DNAJC19: variants seen among roughly 807,000 people sequenced by gnomAD.
DNAJC19 encodes DnaJ heat shock protein family (Hsp40) member C19.
In DNAJC19, 15 loss-of-function variants were observed where a neutral mutation model predicts 19.8. That is an observed-to-expected ratio of 0.76 (90% confidence interval 0.51 to 1.17). DNAJC19 has a LOEUF of 1.17. Ranked by LOEUF, DNAJC19 falls within the 50% of genes most tolerant of loss-of-function variation. The probability of loss-of-function intolerance (pLI) is 0.00; values close to 1 mark genes in which losing one functional copy is unlikely to be tolerated. For synonymous variants in DNAJC19, 38 were observed against 42.1 expected (o/e 0.90, Z 0.38); for missense variants, 105 against 140.9 (o/e 0.75, Z 1.29).
intron 1 of DNAJC19, chr3:180,989,191 G>A: frequency 1.8e-6 from 1 of 562,088 alleles, no homozygotes; most frequent in East Asian, 8.0e-5. Flanking sequence ...TGTTCAGGAA[G>A]CATGGAGAAG....
In DNAJC19 at chr3:180,989,711, T is replaced by A. The variant is rs1226495745; in HGVS notation, c.-109A>T. 1.3e-6 allele frequency: 2 copies of A among 1,530,076 alleles called. No individual in the cohort carries two copies. The highest frequency in any genetic ancestry group is 2.0e-5 in the Admixed American group (1 of 50,982). The allele number at this position is 1,530,076 out of a possible 1,614,324, so 94.8% of individuals were successfully genotyped here. ...CCAGAGAGCGACGCAACCCCCAACCTCAAGCACAGGCGCCCTACGCAACAC... is the reference window on the plus strand; with the variant it reads ...CCAGAGAGCGACGCAACCCCCAACCACAAGCACAGGCGCCCTACGCAACAC... On this transcript the variant is annotated 5_prime_UTR_variant, in exon 1 of 6. Coordinates refer to ENST00000382564, the MANE Select transcript of DNAJC19 (RefSeq NM_145261.4).
At position 180,989,341 on chromosome 3, in the gene DNAJC19, G is replaced by A. The variant is rs959437530; in HGVS notation, c.3+259C>T. On this transcript the variant is annotated intron_variant, in intron 1 of 5. Transcript: ENST00000382564. ...CATGACAGCCTCTGACCTTACAGGAGTTCCAGGCAAGCAACACCTGCAGAG... is the reference window on the plus strand; with the variant it reads ...CATGACAGCCTCTGACCTTACAGGAATTCCAGGCAAGCAACACCTGCAGAG... The A allele has an allele frequency of 1.8e-5, 25 of 1,420,394 alleles. 1 individual carries two copies. Among genetic ancestry groups the A allele is most frequent in the African/African-American group, 2.9e-5 (2 of 69,428 alleles). 88.0% of individuals were successfully genotyped at this position (1,420,394 alleles called of 1,614,324 possible). A position where few individuals can be genotyped will look rare whatever the true frequency, so the allele number is the denominator to read the frequency against.
upstream of DNAJC19, chr3:180,989,774 T>TAAAAGGGGACGCGG: frequency 9.3e-7 from 1 of 1,078,202 alleles, no homozygotes; most frequent in East Asian, 2.6e-5. Flanking sequence ...AAAACTGTCG[T>TAAAAGGGGACGCGG]AAAAGGGGAC....
At chr3:180,984,809 G>A in intron 5 of DNAJC19, 99 bp from the exon 6 acceptor site, 2 of 807,142 alleles carry the variant, frequency 2.5e-6, no homozygotes, top group Non-Finnish European at 4.0e-6. Flanking sequence ...GCTTATCTGA[G>A]GGAGATTTAG....
At chr3:180,989,241 G>A (rs186690195) in intron 1 of DNAJC19, 1 of 1,077,326 alleles carries the variant, frequency 9.3e-7, no homozygotes, top group Non-Finnish European at 1.2e-6. Context: ...ACATAGCAAA[G>A]TGGAGCTAGT....
rs1325962001 is a variant in DNAJC19, at chr3:180,984,126, T to C, written c.*514A>G. On this transcript the variant is annotated 3_prime_UTR_variant, in exon 6 of 6. Coordinates refer to ENST00000382564, the MANE Select transcript of DNAJC19 (RefSeq NM_145261.4). ...ACACACACACACCCCTAGGTCAATTTCTTAGGTCTCAGTTGTGGTTAAATT... is the reference window on the plus strand; with the variant it reads ...ACACACACACACCCCTAGGTCAATTCCTTAGGTCTCAGTTGTGGTTAAATT... 2 of 454,082 alleles carry C rather than the reference T, an allele frequency of 4.4e-6. No individual in the cohort carries two copies. Among genetic ancestry groups the C allele is most frequent in the South Asian group, 1.6e-5 (1 of 64,474 alleles). 28.1% of individuals were successfully genotyped at this position (454,082 alleles called of 1,614,324 possible). A position where few individuals can be genotyped will look rare whatever the true frequency, so the allele number is the denominator to read the frequency against.
Position 180,989,562 on chromosome 3 carries a change from G to C in DNAJC19, c.3+38C>G, listed in dbSNP as rs748887407. The C allele has an allele frequency of 3.2e-6, 5 of 1,567,730 alleles. No homozygotes were observed. In the South Asian group the frequency reaches 4.7e-5, roughly 15 times the overall value. On this transcript the variant is annotated intron_variant, in intron 1 of 5. Coordinates refer to ENST00000382564, the MANE Select transcript of DNAJC19 (RefSeq NM_145261.4). ...GCGGGGAGCTGAGGTTGAGGCCTGG[G>C]CCGGAGGTCGCCAAGAAGACCGGAA...
intron 4 of DNAJC19, 82 bp downstream of exon 4, chr3:180,986,861 T>A: frequency 8.6e-7 from 1 of 1,169,176 alleles, no homozygotes; most frequent in Non-Finnish European, 1.3e-6. Flanking sequence ...CCTCTCCTAT[T>A]AAAGGAGAGA....
At chr3:180,985,842 TAGCC>T (rs904710936) in intron 5 of DNAJC19, 80 bp downstream of exon 5, 8 of 1,200,994 alleles carry the variant, frequency 6.7e-6, no homozygotes, top group African/African-American at 3.0e-5. Context: ...ACCTTTCTAA[TAGCC>T]AGGAATTTGA....
Position 180,984,132 on chromosome 3 carries a change from G to A in DNAJC19, c.*508C>T, listed in dbSNP as rs1353055614. ...ACACACCCCTAGGTCAATTTCTTAG[G>A]TCTCAGTTGTGGTTAAATTCACTTT... On this transcript the variant is annotated 3_prime_UTR_variant, in exon 6 of 6. Transcript: ENST00000382564. The A allele has an allele frequency of 2.2e-6, 1 of 454,002 alleles. No homozygotes were observed. The highest frequency in any genetic ancestry group is 6.9e-5 in the East Asian group (1 of 14,390). The allele number at this position is 454,002 out of a possible 1,614,324, so 28.1% of individuals were successfully genotyped here.
intron 4 of DNAJC19, 123 bp from the exon 5 acceptor site, chr3:180,986,119 C>T (rs1714892439): frequency 1.2e-6 from 1 of 818,520 alleles, no homozygotes; most frequent in South Asian, 1.5e-5. Context: ...GTATGAAAAG[C>T]TGTTTAGAAA....
chr3:180,989,434 C>T (rs1394037206), intron 1 of DNAJC19, 166 bp downstream of exon 1: 3 of 1,468,080 alleles, frequency 2.0e-6, no homozygotes, highest in Non-Finnish European at 1.8e-6. Context: ...CCCAAGAGAG[C>T]GAGCCAACAG....
At position 180,983,828 on chromosome 3, in the gene DNAJC19, A is replaced by G. The variant is rs1381341464; in HGVS notation, c.*812T>C. On this transcript the variant is annotated 3_prime_UTR_variant, in exon 6 of 6. Transcript: ENST00000382564. ...TTGCTAACAGGGTTTAAGCTTAATC[A>G]TAACAATTGCAGAAGTTTGATTATG... The G allele has an allele frequency of 2.2e-6, 1 of 454,076 alleles. No individual in the cohort carries two copies. Among genetic ancestry groups the G allele is most frequent in the Admixed American group, 2.3e-5 (1 of 42,570 alleles). The allele number at this position is 454,076 out of a possible 1,614,324, so 28.1% of individuals were successfully genotyped here. A position where few individuals can be genotyped will look rare whatever the true frequency, so the allele number is the denominator to read the frequency against.
intron 5 of DNAJC19, among the ~76,000 whole-genome samples, chr3:180,985,151 C>CT (rs1258670360): frequency 1.3e-5 from 2 of 152,050 alleles, no homozygotes; most frequent in East Asian, 1.9e-4. Context: ...GCTTTACATC[C>CT]TTTTTCTGTC....
At chr3:180,987,536 C>T (rs1714973938) in intron 3 of DNAJC19, 1 of 254,918 alleles carries the variant, frequency 3.9e-6, no homozygotes, top group African/African-American at 2.3e-5. Flanking sequence ...ACATATTCAA[C>T]AGGTGATCAC....
At chr3:180,987,247 G>T (rs1466950720) in intron 3 of DNAJC19, 1 of 562,796 alleles carries the variant, frequency 1.8e-6, no homozygotes, top group Non-Finnish European at 3.2e-6. Context: ...CAGTCAATAT[G>T]AACTATCTTA....
At chr3:180,989,791 G>T, upstream of DNAJC19, 1 of 947,260 alleles carries the variant, frequency 1.1e-6, no homozygotes, top group African/African-American at 1.6e-5. Flanking sequence ...GGACGCGGAG[G>T]AGAAGGAAAG....
In DNAJC19 at chr3:180,989,706, C is replaced by T. The variant is rs946887546; in HGVS notation, c.-104G>A. 6.5e-7 allele frequency: 1 copy of T among 1,537,354 alleles called. No homozygotes were observed. The highest frequency in any genetic ancestry group is 1.2e-5 in the South Asian group (1 of 83,910). On this transcript the variant is annotated 5_prime_UTR_variant, in exon 1 of 6. Transcript: ENST00000382564. ...CTTTACCAGAGAGCGACGCAACCCCCAACCTCAAGCACAGGCGCCCTACGC... is the reference window on the plus strand; with the variant it reads ...CTTTACCAGAGAGCGACGCAACCCCTAACCTCAAGCACAGGCGCCCTACGC...
intron 1 of DNAJC19, among the ~76,000 whole-genome samples, chr3:180,988,630 T>C (rs189129119): frequency 4.5e-4 from 69 of 152,174 alleles, no homozygotes; most frequent in African/African-American, 1.6e-3. Flanking sequence ...ATCTTTACAA[T>C]AGTGAAAAAG....
Sources: allele counts gnomAD v4.1 joint callset (sites outside exome capture counted in the v4.1 genomes callset), GRCh38; gene constraint gnomAD v4.1.1; transcripts MANE v1.5; gene names NCBI Gene and HGNC (gene_info 2026-07-23, HGNC 2026-07-21).